The following PDE7B variants were observed in gnomAD, a reference collection of about 807,000 sequenced individuals.
PDE7B encodes the protein 3',5'-cyclic-AMP phosphodiesterase 7B.
PDE7B carries 29 observed loss-of-function variants against 56.2 expected under a neutral mutation model. The ratio of observed to expected loss-of-function variants is 0.52; its 90% confidence interval spans 0.38 to 0.70. PDE7B has a LOEUF of 0.70. Ranked by LOEUF, PDE7B falls within the 30% of genes least tolerant of loss-of-function variation. PDE7B has a pLI of 0.00. For missense variants in PDE7B, 490 were observed against 565.0 expected, an observed-to-expected ratio of 0.87 and a Z score of 1.35; for synonymous variants, 197 against 196.9, an observed-to-expected ratio of 1.00 and a Z score of 0.00.
intron 3 of PDE7B, among the ~76,000 whole-genome samples, chr6:136,120,852 T>C (rs1777921628): frequency 6.6e-6 from 1 of 152,144 alleles, no homozygotes; most frequent in Admixed American, 6.5e-5. Flanking sequence ...CTTGGTCATC[T>C]AAGTCTTTAC....
intron 3 of PDE7B, among the ~76,000 whole-genome samples, chr6:136,118,934 T>C (rs1414880421): frequency 5.9e-5 from 9 of 152,202 alleles, no homozygotes; most frequent in South Asian, 2.1e-4. Flanking sequence ...CTAATATTCC[T>C]GCCACTCTGG....
At position 136,151,202 on chromosome 6, in the gene PDE7B, A is replaced by G. The variant is rs1332729304; in HGVS notation, c.425A>G (p.His142Arg). 4 of 1,612,112 alleles carry G rather than the reference A, an allele frequency of 2.5e-6. No individual in the cohort carries two copies. The highest frequency in any genetic ancestry group is 2.5e-6 in the Non-Finnish European group (3 of 1,178,408). ...CTGTTGTGCCACCTCTTCAATACCC[A>G]TGGACTCATTCACCATTTCAAGTTA... ...VTLLCHLFNT[H>R]GLIHHFKLDM... Residue 142 changes from histidine (H) to arginine (R), a missense_variant, in exon 6 of 13, where the codon CAT (histidine) becomes CGT (arginine). Coordinates refer to ENST00000308191, the MANE Select transcript of PDE7B (RefSeq NM_018945.4).
intron 12 of PDE7B, among the ~76,000 whole-genome samples, chr6:136,190,358 G>A (rs936141361): frequency 1.2e-4 from 18 of 152,142 alleles, no homozygotes; most frequent in African/African-American, 3.9e-4. Context: ...ATGAGACAAT[G>A]CAGAAATGTA....
At chr6:136,016,192 A>G (rs1046595207) in intron 2 of PDE7B, among the ~76,000 whole-genome samples, 4 of 152,194 alleles carry the variant, frequency 2.6e-5, no homozygotes, top group Non-Finnish European at 5.9e-5. Context: ...TATTTTTCTC[A>G]TCTGTGCAAT....
chr6:136,038,153 TTTTCCCTGCCTGGGAAGAA>T (rs1776356634), intron 2 of PDE7B: 1 of 1,299,054 alleles, frequency 7.7e-7, no homozygotes, highest in Non-Finnish European at 1.0e-6. Flanking sequence ...GGGGGTTCGC[TTTTCCCTGCCTGGGAAGAA>T]TTTCCCCTGT....
intron 1 of PDE7B, among the ~76,000 whole-genome samples, chr6:135,926,335 C>T (rs989188705): frequency 1.3e-5 from 2 of 152,114 alleles, no homozygotes; most frequent in African/African-American, 4.8e-5. Context: ...GATCTGCCCA[C>T]CTTGGCCTCC....
intron 1 of PDE7B, among the ~76,000 whole-genome samples, chr6:135,915,553 C>T (rs1773895875): frequency 6.6e-6 from 1 of 152,000 alleles, no homozygotes; most frequent in South Asian, 2.1e-4. Context: ...TTTAATAGAC[C>T]TTTTGGGGGG....
chr6:136,191,639 G>A lies in PDE7B; in HGVS notation c.1152G>A (p.Pro384=). The A allele has an allele frequency of 6.2e-7, 1 of 1,614,016 alleles. No homozygotes were observed. The highest frequency in any genetic ancestry group is 8.5e-7 in the Non-Finnish European group (1 of 1,179,942). The change falls in exon 13 of 13, where the codon CCG becomes CCA. Residue 384 remains proline, a synonymous_variant. Transcript: ENST00000308191. The part of the protein sequence containing the change: ...QIGFMSYIVE[P]LFREWAHFTG... Reference sequence around the variant, plus strand: ...GTTTCATGAGCTACATCGTGGAGCCGCTCTTCCGGGAATGGGCCCATTTCA... The same window carrying A: ...GTTTCATGAGCTACATCGTGGAGCCACTCTTCCGGGAATGGGCCCATTTCA...
chr6:136,055,142 C>T (rs1362749295), intron 2 of PDE7B, among the ~76,000 whole-genome samples: 1 of 152,196 alleles, frequency 6.6e-6, no homozygotes, highest in Non-Finnish European at 1.5e-5. Context: ...AAAGGCCAAT[C>T]TAAAATCATT....
At chr6:136,100,997 C>T (rs1450820798) in intron 2 of PDE7B, among the ~76,000 whole-genome samples, 2 of 152,070 alleles carry the variant, frequency 1.3e-5, no homozygotes, top group East Asian at 3.9e-4. Context: ...TTGTCTAAGG[C>T]CTTTTCTGCA....
At chr6:135,955,283 G>A (rs1774771894) in intron 2 of PDE7B, among the ~76,000 whole-genome samples, 1 of 151,704 alleles carries the variant, frequency 6.6e-6, no homozygotes, top group Non-Finnish European at 1.5e-5. Context: ...CTTACGGGAA[G>A]GGGAAGGGGA....
chr6:135,965,222 T>C (rs530014270), intron 2 of PDE7B, among the ~76,000 whole-genome samples: 1 of 152,266 alleles, frequency 6.6e-6, no homozygotes, highest in South Asian at 2.1e-4. Flanking sequence ...AAAGCAGAAG[T>C]ATCTGTGAGA....
chr6:135,907,574 A>G (rs1004331168), intron 1 of PDE7B, among the ~76,000 whole-genome samples: 1 of 152,186 alleles, frequency 6.6e-6, no homozygotes, highest in Non-Finnish European at 1.5e-5. Flanking sequence ...AATTACTATA[A>G]TTAATAAGAG....
intron 2 of PDE7B, among the ~76,000 whole-genome samples, chr6:136,086,233 C>T (rs1452423678): frequency 1.3e-5 from 2 of 152,192 alleles, no homozygotes; most frequent in Admixed American, 1.3e-4. Flanking sequence ...TACTCAGTGT[C>T]ATCCTGAGCA....
At chr6:135,906,657 G>A (rs1232109219) in intron 1 of PDE7B, among the ~76,000 whole-genome samples, 6 of 152,102 alleles carry the variant, frequency 3.9e-5, no homozygotes, top group Non-Finnish European at 8.8e-5. Flanking sequence ...GAGACTTGAA[G>A]TTCTGGATTA....
At chr6:136,116,766 C>G (rs902338323) in intron 3 of PDE7B, among the ~76,000 whole-genome samples, 3 of 152,192 alleles carry the variant, frequency 2.0e-5, no homozygotes, top group Admixed American at 6.5e-5. Context: ...GGGAATTCCA[C>G]TTGGGAATCA....
intron 9 of PDE7B, among the ~76,000 whole-genome samples, chr6:136,177,806 G>A (rs1490369958): frequency 6.6e-6 from 1 of 152,082 alleles, no homozygotes; most frequent in Non-Finnish European, 1.5e-5. Flanking sequence ...TGCGTAACTA[G>A]AGGTATATAA....
chr6:135,885,233 C>G (rs1486048872), intron 1 of PDE7B, among the ~76,000 whole-genome samples: 2 of 152,084 alleles, frequency 1.3e-5, no homozygotes, highest in African/African-American at 4.8e-5. Flanking sequence ...AGCCTGTTAT[C>G]ATGATGCCTC....
chr6:135,920,104 G>A (rs1027139947), intron 1 of PDE7B, among the ~76,000 whole-genome samples: 1 of 152,010 alleles, frequency 6.6e-6, no homozygotes, highest in Non-Finnish European at 1.5e-5. Flanking sequence ...AAGTGATCAT[G>A]AGCCTTCACT....
Sources: gnomAD v4.1 joint callset for allele counts (sites outside exome capture counted in the v4.1 genomes callset) on GRCh38, gnomAD v4.1.1 for gene constraint, MANE v1.5 for transcripts, NCBI Gene and HGNC (gene_info 2026-07-23, HGNC 2026-07-21) for gene names.